PLEKHG2: variants seen among roughly 807,000 people sequenced by gnomAD.
The protein encoded by PLEKHG2 is pleckstrin homology domain-containing family G member 2.
Under a neutral mutation model 104.4 loss-of-function variants are expected in PLEKHG2, and 71 were observed. The ratio of observed to expected loss-of-function variants is 0.68; its 90% CI spans 0.56 to 0.83. The LOEUF (loss-of-function observed/expected upper bound fraction) is 0.83. PLEKHG2 is among the 40% of genes least tolerant of loss of function. PLEKHG2 has a pLI of 0.00. For synonymous variants in PLEKHG2, 728 were observed against 737.0 expected (o/e 0.99, Z 0.20); for missense variants, 1,730 against 1,809.4 (o/e 0.96, Z 0.80).
In PLEKHG2 at chr19:39,415,147, C is replaced by A; in HGVS notation, c.265C>A (p.Leu89Ile). 1.2e-6 allele frequency: 2 copies of A among 1,600,284 alleles called. No homozygotes were observed. Among genetic ancestry groups the A allele is most frequent in the Admixed American group, 3.4e-5 (2 of 58,430 alleles). ...TCCAGGGCCTCCCATCCGCCTACAT[C>A]TCTCTCCGGTGGGGATCCCAGGTTC... ...PLPGPPIRLHLSPVGIPGSAR... is the reference protein window; with the variant it reads ...PLPGPPIRLHISPVGIPGSAR... The change falls in exon 3 of 19, where the codon CTC becomes ATC. Residue 89 changes from leucine to isoleucine, a missense_variant. By Grantham distance (5) the Leu-to-Ile change is conservative. Transcript: ENST00000425673. The surrounding 1 kb of genome is among the most constrained non-coding windows in gnomAD (Gnocchi z 4.6).
At chr19:39,417,057 C>A (rs2078617761) in intron 7 of PLEKHG2, 57 bp downstream of exon 7, 2 of 1,517,898 alleles carry the variant, frequency 1.3e-6, no homozygotes, top group Non-Finnish European at 1.8e-6. Context: ...CCCTTGACCA[C>A]CTGTTGGTTC....
chr19:39,415,502 A>G lies in PLEKHG2; in HGVS notation c.479+63A>G. The G allele has an allele frequency of 6.4e-7, 1 of 1,560,456 alleles. No homozygotes were observed. Among genetic ancestry groups the G allele is most frequent in the Admixed American group, 1.7e-5 (1 of 57,508 alleles). On this transcript the variant is annotated intron_variant, in intron 4 of 18. Coordinates refer to ENST00000425673, the MANE Select transcript of PLEKHG2 (RefSeq NM_022835.3). The surrounding 1 kb of genome is among the most constrained non-coding windows in gnomAD (Gnocchi z 4.6). The stretch of plus-strand genomic sequence containing the variant: ...GTTGGAGGGTCTATTTCCTAATCCA[A>G]ACCTCGGAGCTTCGTAGTGTCCTGT...
In PLEKHG2 at chr19:39,421,311, C is replaced by A; in HGVS notation, c.1503+12C>A. On this transcript the variant is annotated intron_variant, in intron 16 of 18. Transcript: ENST00000425673. ...AGCCTGGATTCAAGGTAAGAGATAT[C>A]TCGAGATAGGGTCTGGGCACCTTGA... The A allele has an allele frequency of 6.2e-7, 1 of 1,613,242 alleles. No homozygotes were observed. The highest frequency in any genetic ancestry group is 8.5e-7 in the Non-Finnish European group (1 of 1,179,248).
rs749794643 is a variant in PLEKHG2, at chr19:39,416,820, A to G, written c.594-30A>G. On this transcript the variant is annotated intron_variant, in intron 6 of 18. Coordinates refer to ENST00000425673, the MANE Select transcript of PLEKHG2 (RefSeq NM_022835.3). The surrounding 1 kb of genome is among the most constrained non-coding windows in gnomAD (Gnocchi z 4.5). ...CTTGACCCCGCCCACTGGAACTGAC[A>G]ATCCCCACTGACCTGTGCTGTGCCC... The G allele has an allele frequency of 4.5e-6, 7 of 1,565,544 alleles. No individual in the cohort carries two copies. In the African/African-American group the frequency reaches 9.6e-5, roughly 21 times the overall value.
At position 39,416,785 on chromosome 19, in the gene PLEKHG2, C is replaced by T; in HGVS notation, c.594-65C>T. On this transcript the variant is annotated intron_variant, in intron 6 of 18. Transcript: ENST00000425673. The surrounding 1 kb of genome is among the most constrained non-coding windows in gnomAD (Gnocchi z 4.5). ...GACCCTTCCCAAACCCTGGCCCCTC[C>T]CTAACCCCTCTTGACCCCGCCCACT... 1.3e-6 allele frequency: 2 copies of T among 1,539,566 alleles called. 1 individual carries two copies. Among genetic ancestry groups the T allele is most frequent in the African/African-American group, 2.7e-5 (2 of 73,366 alleles).
rs777902196 is a variant in PLEKHG2, at chr19:39,422,266, A to G, written c.1655A>G (p.Gln552Arg). Residue 552 changes from glutamine to arginine, a missense_variant, in exon 17 of 19, where the codon CAG becomes CGG. Coordinates refer to ENST00000425673, the MANE Select transcript of PLEKHG2 (RefSeq NM_022835.3). ...GAAGAAATCCTGGAACTGCTGAATC[A>G]GCGAGGCCTTCGAGATCCAGGGGTG... ...ITEEILELLN[Q>R]RGLRDPGPST... 7 of 1,612,804 alleles carry G rather than the reference A, an allele frequency of 4.3e-6. No homozygotes were observed. The South Asian group carries it at 4.4e-5, about 10-fold the overall frequency.
At position 39,423,887 on chromosome 19, in the gene PLEKHG2, T is replaced by G; in HGVS notation, c.2754T>G (p.His918Gln). Residue 918 changes from histidine to glutamine, a missense_variant, in exon 19 of 19, where the codon CAT (histidine) becomes CAG (glutamine). By Grantham distance (24) the His-to-Gln change is conservative. Transcript: ENST00000425673. Reference protein sequence around the residue: ...QGGSPDGQGLHVSNLPKQDLP... With the variant: ...QGGSPDGQGLQVSNLPKQDLP... ...GCAGCCCGGATGGCCAGGGTCTACA[T>G]GTTTCCAATTTGCCTAAGCAAGACC... The G allele has an allele frequency of 6.2e-7, 1 of 1,614,236 alleles. No homozygotes were observed. The highest frequency in any genetic ancestry group is 8.5e-7 in the Non-Finnish European group (1 of 1,180,044).
Position 39,421,309 on chromosome 19 carries a change from A to G in PLEKHG2, c.1503+10A>G, listed in dbSNP as rs749611802. The G allele has an allele frequency of 6.2e-7, 1 of 1,613,188 alleles. No homozygotes were observed. Among genetic ancestry groups the G allele is most frequent in the Non-Finnish European group, 8.5e-7 (1 of 1,179,154 alleles). On this transcript the variant is annotated intron_variant, in intron 16 of 18. Coordinates refer to ENST00000425673, the MANE Select transcript of PLEKHG2 (RefSeq NM_022835.3). Reference sequence around the variant, plus strand: ...TAAGCCTGGATTCAAGGTAAGAGATATCTCGAGATAGGGTCTGGGCACCTT... The same window carrying G: ...TAAGCCTGGATTCAAGGTAAGAGATGTCTCGAGATAGGGTCTGGGCACCTT...
In PLEKHG2 at chr19:39,426,653, A is replaced by G. The variant is rs1020748856; in HGVS notation, c.*1359A>G. 1.3e-5 allele frequency: 2 copies of G among 152,280 alleles called. No homozygotes were observed. Among genetic ancestry groups the G allele is most frequent in the Middle Eastern group, 3.4e-3 (1 of 294 alleles). The allele number at this position is 152,280 out of a possible 1,614,324, so 9.4% of individuals were successfully genotyped here. A position where few individuals can be genotyped will look rare whatever the true frequency, so the allele number is the denominator to read the frequency against. On this transcript the variant is annotated 3_prime_UTR_variant, in exon 19 of 19. Transcript: ENST00000425673. ...GTCCTCCCTCTGAGCCGGTTTTCTC[A>G]TCTACAAAATGAAGACAACAGTACT...
chr19:39,421,540 T>G (rs1255883233), intron 16 of PLEKHG2: 1 of 540,768 alleles, frequency 1.8e-6, no homozygotes, highest in East Asian at 3.3e-5. Context: ...ACAAAAAAAT[T>G]AGCCAGGCAC....
chr19:39,417,092 G>A, intron 7 of PLEKHG2, 92 bp downstream of exon 7: 1 of 1,410,240 alleles, frequency 7.1e-7, no homozygotes, highest in South Asian at 1.4e-5. Context: ...CCCCCCACGA[G>A]TTGGGCAAGG....
At chr19:39,414,917 G>C in intron 2 of PLEKHG2, 75 bp from the exon 3 acceptor site, 1 of 1,463,900 alleles carries the variant, frequency 6.8e-7, no homozygotes, top group African/African-American at 1.4e-5. Context: ...TGAGGGTGTG[G>C]GCTGAACGCA....
rs1223174010 is a variant in PLEKHG2, at chr19:39,416,381, C to G, written c.513C>G (p.Ser171Arg). Residue 171 changes from serine to arginine, a missense_variant, in exon 5 of 19, where the codon AGC becomes AGG. By Grantham distance (110) the Ser-to-Arg change is moderately radical. Transcript: ENST00000425673. The surrounding 1 kb of genome is among the most constrained non-coding windows in gnomAD (Gnocchi z 4.5). ...TGGAGGACTTGGAGAACAGCAGCAG[C>G]GCCGGGGGTATTGCCGAGTGCTTCG... ...ELLEDLENSS[S>R]AGGIAECFVQ... The G allele has an allele frequency of 1.9e-6, 3 of 1,612,860 alleles. No homozygotes were observed. The highest frequency in any genetic ancestry group is 2.5e-6 in the Non-Finnish European group (3 of 1,179,786).
Position 39,425,623 on chromosome 19 carries a change from A to G in PLEKHG2, c.*329A>G. The G allele has an allele frequency of 2.5e-6, 1 of 407,512 alleles. No homozygotes were observed. Among genetic ancestry groups the G allele is most frequent in the Non-Finnish European group, 4.3e-6 (1 of 233,440 alleles). The allele number at this position is 407,512 out of a possible 1,614,324, so 25.2% of individuals were successfully genotyped here. A position where few individuals can be genotyped will look rare whatever the true frequency, so the allele number is the denominator to read the frequency against. ...GTTCTGAAAGCTTGGGGAATCTCAG[A>G]CTCCTTTGAGAATTATTGGAAAATG... On this transcript the variant is annotated 3_prime_UTR_variant, in exon 19 of 19. Transcript: ENST00000425673.
chr19:39,414,906 G>A, intron 2 of PLEKHG2, 86 bp from the exon 3 acceptor site: 4 of 1,425,292 alleles, frequency 2.8e-6, no homozygotes, highest in Admixed American at 2.6e-5. Context: ...ACAGGTGTGG[G>A]TGAGGGTGTG....
At position 39,423,576 on chromosome 19, in the gene PLEKHG2, A is replaced by C; in HGVS notation, c.2522A>C (p.Asn841Thr). The C allele has an allele frequency of 6.5e-7, 1 of 1,536,458 alleles. No individual in the cohort carries two copies. Among genetic ancestry groups the C allele is most frequent in the Non-Finnish European group, 8.8e-7 (1 of 1,142,188 alleles). ...MQRAETRASA[N>T]APRRRPRVLA... The stretch of plus-strand genomic sequence containing the variant: ...CGGGCGGAGACTCGGGCATCAGCCA[A>C]TGCCCCGCGCCGCCGGCCTCGGGTT... Residue 841 changes from asparagine to threonine, a missense_variant, in exon 18 of 19, where the codon AAT (asparagine) becomes ACT (threonine). Coordinates refer to ENST00000425673, the MANE Select transcript of PLEKHG2 (RefSeq NM_022835.3).
At chr19:39,422,663 A>G in intron 17 of PLEKHG2, 69 bp from the exon 18 acceptor site, 1 of 1,482,122 alleles carries the variant, frequency 6.7e-7, no homozygotes. Context: ...TGCTGGGATT[A>G]CAGGCGTGAG....
chr19:39,425,277 GC>G lies in PLEKHG2; in HGVS notation c.4149del (p.Phe1384SerfsTer32). ...GLHRAQGAPD[A>X]PFHM ...TCACAGGGCCCAGGGGGCTCCTGAT[GC>G]CCCCTTCCACATGTGAGCCAGGACA... On this transcript the variant is annotated frameshift_variant, in exon 19 of 19. Coordinates refer to ENST00000425673, the MANE Select transcript of PLEKHG2 (RefSeq NM_022835.3). LOFTEE classifies it high-confidence loss of function. 2 of 1,611,970 alleles carry G rather than the reference GC, an allele frequency of 1.2e-6. No individual in the cohort carries two copies. The highest frequency in any genetic ancestry group is 1.7e-6 in the Non-Finnish European group (2 of 1,179,510).
At position 39,421,306 on chromosome 19, in the gene PLEKHG2, G is replaced by A. The variant is rs780556976; in HGVS notation, c.1503+7G>A. 2.5e-6 allele frequency: 4 copies of A among 1,613,314 alleles called. No homozygotes were observed. In the African/African-American group the frequency reaches 5.3e-5, roughly 22 times the overall value. On this transcript the variant is annotated splice_region_variant and intron_variant, in intron 16 of 18. Transcript: ENST00000425673. ...AGCTAAGCCTGGATTCAAGGTAAGA[G>A]ATATCTCGAGATAGGGTCTGGGCAC...
Sources: allele counts gnomAD v4.1 joint callset, GRCh38; gene constraint gnomAD v4.1.1; non-coding constraint Gnocchi (gnomAD v3.1); transcripts MANE v1.5; gene names NCBI Gene and HGNC (gene_info 2026-07-23, HGNC 2026-07-21).